Variants in LIPC observed in about 807,000 individuals in gnomAD.
The protein encoded by LIPC is hepatic triacylglycerol lipase.
LIPC carries 44 observed loss-of-function variants against 50.7 expected under a neutral mutation model. That is an observed-to-expected ratio of 0.87 (90% CI 0.68 to 1.11). LIPC has a LOEUF of 1.11. LIPC is among the 50% of genes most tolerant of loss of function. The probability of loss-of-function intolerance (pLI) is 0.00; values close to 1 mark genes in which losing one functional copy is unlikely to be tolerated. For missense variants in LIPC, 697 were observed against 648.2 expected, an observed-to-expected ratio of 1.08 and a Z score of -0.82; for synonymous variants, 271 against 256.4, an observed-to-expected ratio of 1.06 and a Z score of -0.54.
intron 1 of LIPC, among the ~76,000 whole-genome samples, chr15:58,481,529 G>T (rs1428582805): frequency 6.6e-6 from 1 of 152,222 alleles, no homozygotes; most frequent in Non-Finnish European, 1.5e-5. Flanking sequence ...AGTTGGCCAG[G>T]CACGACAGCT....
intron 1 of LIPC, among the ~76,000 whole-genome samples, chr15:58,475,449 T>A (rs1890960697): frequency 6.6e-6 from 1 of 152,166 alleles, no homozygotes; most frequent in Non-Finnish European, 1.5e-5. Context: ...GAATATACCT[T>A]TTCCCTGCCT....
intron 1 of LIPC, chr15:58,521,556 T>A (rs1169687743): frequency 6.6e-6 from 1 of 152,300 alleles, no homozygotes; most frequent in African/African-American, 2.4e-5. Flanking sequence ...CAGCTATGGC[T>A]GGAGCCGCGT....
At chr15:58,535,460 T>C (rs1893086649) in intron 1 of LIPC, among the ~76,000 whole-genome samples, 1 of 152,214 alleles carries the variant, frequency 6.6e-6, no homozygotes, top group African/African-American at 2.4e-5. Context: ...TTCAGTCCAG[T>C]TGTTTGTGGG....
At chr15:58,438,048 A>G (rs764619156) in intron 1 of LIPC, among the ~76,000 whole-genome samples, 6 of 152,136 alleles carry the variant, frequency 3.9e-5, no homozygotes, top group Non-Finnish European at 7.4e-5. Flanking sequence ...TGCAGGGCTG[A>G]CGGTTGAAGG....
chr15:58,566,044 A>G (rs1449071580), intron 8 of LIPC: 1 of 983,606 alleles, frequency 1.0e-6, no homozygotes, highest in East Asian at 1.1e-4. Flanking sequence ...TTTCACGAGC[A>G]TACAAAGCAT....
chr15:58,457,343 C>T (rs1894167364), intron 1 of LIPC, among the ~76,000 whole-genome samples: 1 of 152,222 alleles, frequency 6.6e-6, no homozygotes, highest in Non-Finnish European at 1.5e-5. Flanking sequence ...CTCCCGACCT[C>T]AGGTGATCTG....
chr15:58,486,633 C>T (rs1418144133), intron 1 of LIPC, among the ~76,000 whole-genome samples: 1 of 152,190 alleles, frequency 6.6e-6, no homozygotes, highest in Non-Finnish European at 1.5e-5. Context: ...ATGGCTCCTA[C>T]CACCCAGCAA....
intron 8 of LIPC, among the ~76,000 whole-genome samples, chr15:58,564,375 A>G (rs1459548029): frequency 1.3e-5 from 2 of 151,978 alleles, no homozygotes; most frequent in Admixed American, 1.3e-4. Context: ...TTGATTTAAC[A>G]TCTCCCGTGG....
rs563499618 is a variant in LIPC, at chr15:58,560,127, C to T, written c.1052-737C>T. Among the ~76,000 whole-genome samples the T allele has an allele frequency of 1.3e-4, 20 of 152,286 alleles. No homozygotes were observed. The South Asian group carries it at 2.3e-3, about 17-fold the overall frequency. On this transcript the variant is annotated intron_variant, in intron 6 of 8. Coordinates refer to ENST00000299022, the MANE Select transcript of LIPC (RefSeq NM_000236.3). ...TTTAACGATGCCATGTATTTAACAA[C>T]GCCTGTCTAATAGTAAGCCATTTGC...
intron 6 of LIPC, among the ~76,000 whole-genome samples, chr15:58,554,192 G>A (rs1479357902): frequency 6.6e-6 from 1 of 152,102 alleles, no homozygotes; most frequent in African/African-American, 2.4e-5. Context: ...CACCAGCAGG[G>A]TCCACACAGG....
chr15:58,468,150 G>A (rs1312981841), intron 1 of LIPC, among the ~76,000 whole-genome samples: 1 of 152,174 alleles, frequency 6.6e-6, no homozygotes, highest in Non-Finnish European at 1.5e-5. Flanking sequence ...CCAGATTATA[G>A]ATAAGAATAC....
chr15:58,558,611 C>T (rs1229536448), intron 6 of LIPC, among the ~76,000 whole-genome samples: 4 of 5,810 alleles, frequency 6.9e-4, no homozygotes, highest in Non-Finnish European at 3.3e-3. Flanking sequence ...CTCATAGCAG[C>T]GCAAACCCTA....
At chr15:58,498,697 T>G (rs1174086610) in intron 1 of LIPC, 1 of 152,196 alleles carries the variant, frequency 6.6e-6, no homozygotes, top group Non-Finnish European at 1.5e-5. Flanking sequence ...AGCCCTCACC[T>G]GCAGAGACCT....
chr15:58,529,687 G>A (rs1471573232), intron 1 of LIPC, among the ~76,000 whole-genome samples: 2 of 152,214 alleles, frequency 1.3e-5, no homozygotes, highest in African/African-American at 4.8e-5. Context: ...CCTAGAACAT[G>A]GCAGGGAAGA....
At chr15:58,529,227 G>A (rs536027116) in intron 1 of LIPC, among the ~76,000 whole-genome samples, 23 of 152,358 alleles carry the variant, frequency 1.5e-4, no homozygotes, top group African/African-American at 5.1e-4. Context: ...CAACTTGACT[G>A]TAAGCCAAGA....
intron 1 of LIPC, among the ~76,000 whole-genome samples, chr15:58,529,141 A>G (rs1428584867): frequency 6.6e-6 from 1 of 152,240 alleles, no homozygotes; most frequent in Non-Finnish European, 1.5e-5. Flanking sequence ...CAGGAGCTAG[A>G]TAGTCATGAT....
intron 1 of LIPC, among the ~76,000 whole-genome samples, chr15:58,478,633 G>A (rs1180677992): frequency 1.3e-5 from 2 of 152,192 alleles, no homozygotes; most frequent in African/African-American, 4.8e-5. Flanking sequence ...AGGACTTAGG[G>A]AGGTTATGCA....
chr15:58,564,475 C>A (rs1465223597), intron 8 of LIPC, among the ~76,000 whole-genome samples: 3 of 70,776 alleles, frequency 4.2e-5, no homozygotes, highest in Non-Finnish European at 5.7e-5. Context: ...CACCTGTAAT[C>A]CCAGCACTTT....
intron 7 of LIPC, among the ~76,000 whole-genome samples, chr15:58,563,195 A>G (rs1894227529): frequency 1.3e-5 from 2 of 152,198 alleles, no homozygotes; most frequent in Non-Finnish European, 2.9e-5. Context: ...CACTGTCTCC[A>G]CAGCGGCTTC....
Sources: allele counts gnomAD v4.1 joint callset (sites outside exome capture counted in the v4.1 genomes callset), GRCh38; gene constraint gnomAD v4.1.1; transcripts MANE v1.5; gene names NCBI Gene and HGNC (gene_info 2026-07-23, HGNC 2026-07-21).